The following NBPF10 variants were observed in gnomAD, a reference collection of about 807,000 sequenced individuals.
NBPF10 encodes NBPF member 10.
Under a neutral mutation model 77.9 loss-of-function variants are expected in NBPF10, and 63 were observed. The ratio of observed to expected loss-of-function variants is 0.81; its 90% CI spans 0.66 to 1.00. NBPF10 has a LOEUF of 1.00. Ranked by LOEUF, NBPF10 falls within the 50% of genes least tolerant of loss-of-function variation. The probability of loss-of-function intolerance (pLI) is 0.00; values close to 1 mark genes in which losing one functional copy is unlikely to be tolerated. For synonymous variants in NBPF10, 146 were observed against 264.5 expected (o/e 0.55, Z 4.35); for missense variants, 522 against 679.8 (o/e 0.77, Z 2.58).
Position 146,142,691 on chromosome 1 carries a change from C to T in NBPF10, c.237G>A (p.Glu79=), listed in dbSNP as rs782787487. Residue 79 remains glutamate (E), a synonymous_variant, in exon 2 of 90, where the codon GAG becomes GAA. Transcript: ENST00000583866. ...GCTTCAGCTGCTCTGCAAGCTTCTC[C>T]TCCTTGAACTGTCGCTCATTCCTCA... The T allele has an allele frequency of 2.9e-6, 4 of 1,360,654 alleles. 1 individual carries two copies. In the South Asian group the frequency reaches 5.3e-5, roughly 18 times the overall value. The allele number at this position is 1,360,654 out of a possible 1,614,324, so 84.3% of individuals were successfully genotyped here. A position where few individuals can be genotyped will look rare whatever the true frequency, so the allele number is the denominator to read the frequency against.
chr1:146,121,970 C>G (rs1283908419), intron 19 of NBPF10, among the ~76,000 whole-genome samples: 5 of 128,184 alleles, frequency 3.9e-5, no homozygotes, highest in Middle Eastern at 4.4e-3. Flanking sequence ...TTAGTGCCCT[C>G]ATGACACACA....
At chr1:146,125,931 A>T (rs1280679097) in intron 14 of NBPF10, among the ~76,000 whole-genome samples, 1 of 151,616 alleles carries the variant, frequency 6.6e-6, no homozygotes, top group South Asian at 2.1e-4. Flanking sequence ...AATCTACAAG[A>T]TCTACAAAAT....
chr1:146,072,944 A>G, intron 81 of NBPF10, 43 bp from the exon 82 acceptor site: 1 of 112,352 alleles, frequency 8.9e-6, no homozygotes, highest in South Asian at 3.8e-5. Context: ...AGGGGGAATC[A>G]GAAACCACAC....
chr1:146,121,923 G>C (rs1553788696), intron 19 of NBPF10, among the ~76,000 whole-genome samples: 3 of 145,936 alleles, frequency 2.1e-5, no homozygotes, highest in Non-Finnish European at 3.0e-5. Flanking sequence ...AATTGGCCAG[G>C]TGACATACTG....
chr1:146,136,044 G>A (rs1293744791), intron 7 of NBPF10, among the ~76,000 whole-genome samples: 67 of 148,648 alleles, frequency 4.5e-4, no homozygotes, highest in Admixed American at 1.3e-3. Flanking sequence ...GGGTGGTGAT[G>A]GCACACCATT....
chr1:146,068,101 G>A (rs1553778561), exon 88 of NBPF10: 9 of 519,788 alleles, frequency 1.7e-5, no homozygotes, highest in Non-Finnish European at 2.6e-5. Context: ...ATAACCTGAA[G>A]GAGTCGAATA....
intron 14 of NBPF10, among the ~76,000 whole-genome samples, chr1:146,125,908 G>A (rs587641321): frequency 9.9e-5 from 15 of 151,454 alleles, no homozygotes; most frequent in African/African-American, 3.6e-4. Flanking sequence ...GCTGAAATTA[G>A]AGTAAAGGAT....
intron 5 of NBPF10, among the ~76,000 whole-genome samples, chr1:146,139,051 T>C (rs1402299461): frequency 1.4e-5 from 2 of 138,766 alleles, no homozygotes; most frequent in Non-Finnish European, 3.3e-5. Context: ...CCCAAAGTGC[T>C]GGGATTAAGA....
intron 35 of NBPF10, among the ~76,000 whole-genome samples, chr1:146,109,355 GAGAGAGAA>G (rs1657359732): frequency 1.6e-5 from 1 of 61,190 alleles, no homozygotes; most frequent in Admixed American, 2.2e-4. Context: ...CAGAGAGAGA[GAGAGAGAA>G]CGAGCTCAGT....
At position 146,126,408 on chromosome 1, in the gene NBPF10, C is replaced by T. The variant is rs782003193; in HGVS notation, c.1854G>A (p.Arg618=). 3.5e-5 allele frequency: 44 copies of T among 1,244,016 alleles called. 1 individual carries two copies. The highest frequency in any genetic ancestry group is 3.1e-4 in the South Asian group (26 of 83,302). 77.1% of individuals were successfully genotyped at this position (1,244,016 alleles called of 1,614,324 possible). A position where few individuals can be genotyped will look rare whatever the true frequency, so the allele number is the denominator to read the frequency against. ...TCTCATCCAGCAGCTCCCTGCTGAG[C>T]GTGGAAAAGTAGGAAAAAGTAAAGA... The change falls in exon 14 of 90, where the codon AGG becomes AGA. Residue 618 remains arginine (R), a splice_region_variant and synonymous_variant. Coordinates refer to ENST00000583866, the Ensembl canonical transcript of NBPF10.
exon 9 of NBPF10, chr1:146,134,242 C>A (rs1553794021): frequency 1.3e-6 from 2 of 1,599,776 alleles, no homozygotes; most frequent in African/African-American, 1.4e-5. Context: ...ACTTGAACAT[C>A]TTCATCGTCA....
In NBPF10 at chr1:146,067,586, C is replaced by CA. The variant is rs1456785886; in HGVS notation, c.11036-299dup. 1.1e-3 allele frequency among the ~76,000 whole-genome samples: 167 copies of CA among 150,594 alleles called. No homozygotes were observed. The East Asian group carries it at 0.02, about 18-fold the overall frequency. On this transcript the variant is annotated intron_variant, in intron 88 of 89. Coordinates refer to ENST00000583866, the Ensembl canonical transcript of NBPF10. ...CCAATCAACGTAAAGCAAATACCCT[C>CA]AATGATTTCTAGGAGAAAAACTGCA...
intron 3 of NBPF10, among the ~76,000 whole-genome samples, 174 bp from the exon 4 acceptor site, chr1:146,140,730 T>A (rs1660211058): frequency 8.5e-6 from 1 of 117,106 alleles, no homozygotes; most frequent in African/African-American, 2.7e-5. Context: ...CATCGGGCAA[T>A]GCATTTCTGA....
At chr1:146,072,833 G>A (rs781857763) in exon 82 of NBPF10, 1 of 130,484 alleles carries the variant, frequency 7.7e-6, no homozygotes, top group Non-Finnish European at 1.4e-5. Context: ...TGAAGGAGTC[G>A]AATAACATCT....
exon 14 of NBPF10, chr1:146,126,310 T>C (rs782766407): frequency 7.5e-6 from 11 of 1,460,372 alleles, no homozygotes; most frequent in Non-Finnish European, 7.7e-6. Context: ...CTGGCATGAG[T>C]CAGTCAGTTC....
intron 5 of NBPF10, among the ~76,000 whole-genome samples, chr1:146,139,247 C>T (rs1160370578): frequency 2.2e-4 from 33 of 149,760 alleles, no homozygotes; most frequent in African/African-American, 7.8e-4. Context: ...CTACAGGCGC[C>T]CACCACCACG....
exon 1 of NBPF10, chr1:146,144,632 T>C (rs1553798804): frequency 8.1e-7 from 1 of 1,239,746 alleles, no homozygotes; most frequent in Non-Finnish European, 1.1e-6. Flanking sequence ...AGCCGGCCAG[T>C]TGAGTTAGAA....
chr1:146,064,817 T>C (rs1654871474), exon 90 of NBPF10: 1 of 57,332 alleles, frequency 1.7e-5, no homozygotes, highest in Non-Finnish European at 3.5e-5. Flanking sequence ...AGGCAAAAGG[T>C]TTTAATTGTA....
chr1:146,081,034 G>C (rs1553781517), intron 71 of NBPF10, among the ~76,000 whole-genome samples: 1 of 64,330 alleles, frequency 1.6e-5, no homozygotes, highest in African/African-American at 3.9e-5. Flanking sequence ...CACACACAGA[G>C]AGAGAGAGAG....
Sources: gnomAD v4.1 joint callset for allele counts (sites outside exome capture counted in the v4.1 genomes callset) on GRCh38, gnomAD v4.1.1 for gene constraint, MANE v1.5 for transcripts, NCBI Gene and HGNC (gene_info 2026-07-23, HGNC 2026-07-21) for gene names.